Variants in BRAF observed in about 807,000 individuals in gnomAD.
The protein encoded by BRAF is B-Raf proto-oncogene, serine/threonine kinase.
A neutral mutation model predicts 104.6 loss-of-function variants in BRAF; 16 were observed. That is an observed-to-expected ratio of 0.15 (90% CI 0.10 to 0.23). The LOEUF is 0.23. Among genes scored for constraint, BRAF ranks in the 10% least tolerant of loss-of-function variants. BRAF has a pLI of 1.00. For synonymous variants in BRAF, 310 were observed against 341.6 expected (o/e 0.91, Z 1.02); for missense variants, 541 against 937.3 (o/e 0.58, Z 5.52).
At chr7:140,895,067 T>C (rs990860761) in intron 1 of BRAF, among the ~76,000 whole-genome samples, 1 of 151,932 alleles carries the variant, frequency 6.6e-6, no homozygotes. Context: ...AGTCGTAAAA[T>C]CCCTAAATAA....
At chr7:140,843,870 G>A (rs999427329) in intron 2 of BRAF, among the ~76,000 whole-genome samples, 1 of 151,998 alleles carries the variant, frequency 6.6e-6, no homozygotes, top group Non-Finnish European at 1.5e-5. Flanking sequence ...TTAGATGGGC[G>A]TGGTGGCGGG....
intron 1 of BRAF, among the ~76,000 whole-genome samples, chr7:140,873,560 C>T (rs1039455146): frequency 6.6e-6 from 1 of 152,092 alleles, no homozygotes; most frequent in Non-Finnish European, 1.5e-5. Context: ...CAGCTAGAGA[C>T]TGTGTGTGTG....
intron 1 of BRAF, among the ~76,000 whole-genome samples, chr7:140,850,802 A>G (rs1278629349): frequency 6.6e-6 from 1 of 152,186 alleles, no homozygotes; most frequent in African/African-American, 2.4e-5. Flanking sequence ...AGACAATTTT[A>G]AGAGAATTTC....
In BRAF at chr7:140,722,779, A is replaced by G; in HGVS notation, c.*3715T>C. ...CAAGCCTACTGAAAATTAAAATTAC[A>G]TCACTGTTAGTGAAGTGATACCACA... On this transcript the variant is annotated 3_prime_UTR_variant, in exon 20 of 20. Transcript: ENST00000644969. 1 of 1,052,188 alleles carries G rather than the reference A, an allele frequency of 9.5e-7. No individual in the cohort carries two copies. Among genetic ancestry groups the G allele is most frequent in the Non-Finnish European group, 1.1e-6 (1 of 870,998 alleles). The allele number at this position is 1,052,188 out of a possible 1,614,324, so 65.2% of individuals were successfully genotyped here. A position where few individuals can be genotyped will look rare whatever the true frequency, so the allele number is the denominator to read the frequency against.
intron 1 of BRAF, among the ~76,000 whole-genome samples, chr7:140,882,371 CTTT>C (rs1232247923): frequency 1.1e-3 from 138 of 126,604 alleles, no homozygotes; most frequent in Non-Finnish European, 1.9e-3. Context: ...ATCAAAGTAT[CTTT>C]TTTTTTTTTT....
chr7:140,884,246 T>C (rs939127520), intron 1 of BRAF: 3 of 151,998 alleles, frequency 2.0e-5, no homozygotes, highest in South Asian at 2.1e-4. Flanking sequence ...ACACTCGTTA[T>C]ATAAAAAGAC....
At chr7:140,841,635 A>C (rs565201038) in intron 2 of BRAF, among the ~76,000 whole-genome samples, 1 of 152,360 alleles carries the variant, frequency 6.6e-6, no homozygotes, top group African/African-American at 2.4e-5. Flanking sequence ...GCAGCCAGTC[A>C]CAAAAGGCCA....
chr7:140,909,855 C>G (rs1816782080), intron 1 of BRAF, among the ~76,000 whole-genome samples: 1 of 151,810 alleles, frequency 6.6e-6, no homozygotes, highest in East Asian at 1.9e-4. Context: ...CAAAAAAGTG[C>G]CTCATACACA....
chr7:140,764,308 A>G (rs1799086555), intron 14 of BRAF, among the ~76,000 whole-genome samples: 1 of 151,508 alleles, frequency 6.6e-6, no homozygotes, highest in African/African-American at 2.4e-5. Context: ...CAAAATATTA[A>G]GAGCTATCTA....
At chr7:140,757,469 T>TA (rs1798301321) in intron 14 of BRAF, among the ~76,000 whole-genome samples, 1 of 152,090 alleles carries the variant, frequency 6.6e-6, no homozygotes. Context: ...TTTGTGTTTT[T>TA]AGTAGAGATG....
intron 9 of BRAF, among the ~76,000 whole-genome samples, chr7:140,785,983 T>C (rs1801312442): frequency 1.3e-5 from 2 of 152,194 alleles, no homozygotes; most frequent in South Asian, 4.1e-4. Flanking sequence ...AAGTGACTCA[T>C]GAAAAGGACA....
chr7:140,868,088 C>G (rs1306207859), intron 1 of BRAF, among the ~76,000 whole-genome samples: 1 of 152,150 alleles, frequency 6.6e-6, no homozygotes, highest in Admixed American at 6.5e-5. Context: ...AGCCATCTAC[C>G]TAAAACCACC....
In BRAF at chr7:140,802,488, G is replaced by C. The variant is rs532764181; in HGVS notation, c.712-928C>G. On this transcript the variant is annotated intron_variant, in intron 5 of 19. Transcript: ENST00000644969. The stretch of plus-strand genomic sequence containing the variant: ...ATTTTCCTATTTTTTATTAGAGGAA[G>C]GGTTTCACCATGTTGACCAGGCTGG... 2.6e-5 allele frequency among the ~76,000 whole-genome samples: 4 copies of C among 152,012 alleles called. No individual in the cohort carries two copies. In the South Asian group the frequency reaches 8.3e-4, roughly 32 times the overall value.
intron 1 of BRAF, among the ~76,000 whole-genome samples, chr7:140,905,769 T>C (rs1324086322): frequency 6.6e-6 from 1 of 152,186 alleles, no homozygotes; most frequent in Non-Finnish European, 1.5e-5. Context: ...AAGTCTGGTT[T>C]CTACATTTTT....
intron 14 of BRAF, among the ~76,000 whole-genome samples, chr7:140,761,552 C>T (rs9769289): frequency 0.3 from 45,217 of 151,622 alleles, 10,761 homozygotes; most frequent in African/African-American, 0.66. Flanking sequence ...TAACTTTAAA[C>T]GTAAATGGAC....
At chr7:140,827,305 G>A (rs1806164472) in intron 3 of BRAF, among the ~76,000 whole-genome samples, 1 of 152,148 alleles carries the variant, frequency 6.6e-6, no homozygotes, top group Admixed American at 6.5e-5. Flanking sequence ...TGAATTCTAT[G>A]AGACCTAGAC....
chr7:140,716,706 G>A (rs150476040), downstream of BRAF, among the ~76,000 whole-genome samples: 61 of 152,300 alleles, frequency 4.0e-4, no homozygotes, highest in Middle Eastern at 6.8e-3. Flanking sequence ...TAGCACACAC[G>A]TTTGTAACTT....
chr7:140,783,529 T>C, intron 10 of BRAF: 1 of 235,670 alleles, frequency 4.2e-6, no homozygotes, highest in Non-Finnish European at 8.3e-6. Context: ...TAAAAGCCTA[T>C]ATAACAAATA....
rs185045144 is a variant in BRAF at position 140,787,407 on chromosome 7, C to T, written c.1177+141G>A. 4.1e-4 allele frequency: 280 copies of T among 688,530 alleles called. No homozygotes were observed. In the African/African-American group the frequency reaches 4.8e-3, roughly 12 times the overall value. The allele number at this position is 688,530 out of a possible 1,614,324, so 42.7% of individuals were successfully genotyped here. A position where few individuals can be genotyped will look rare whatever the true frequency, so the allele number is the denominator to read the frequency against. On this transcript the variant is annotated intron_variant, in intron 9 of 19. Coordinates refer to ENST00000644969, the MANE Select transcript of BRAF (RefSeq NM_001374258.1). ...TATTAGAGGTAAATGACAAACACTA[C>T]AGAAAAACAAAAAAATTTTGGGTTT...
Sources: allele counts gnomAD v4.1 joint callset (sites outside exome capture counted in the v4.1 genomes callset), GRCh38; gene constraint gnomAD v4.1.1; transcripts MANE v1.5; gene names NCBI Gene and HGNC (gene_info 2026-07-23, HGNC 2026-07-21).